Variants in PTPRJ observed in about 807,000 individuals in gnomAD.
The protein encoded by PTPRJ is receptor-type tyrosine-protein phosphatase eta.
In PTPRJ, 129 loss-of-function variants were observed where a neutral mutation model predicts 141.3. The ratio of observed to expected loss-of-function variants is 0.91; its 90% CI spans 0.79 to 1.06. The LOEUF (loss-of-function observed/expected upper bound fraction) is 1.06, where lower values mean the gene tolerates loss of function less well. PTPRJ is among the 50% of genes least tolerant of loss of function. The probability of loss-of-function intolerance (pLI) is 0.00; values close to 1 mark genes in which losing one functional copy is unlikely to be tolerated. For missense variants in PTPRJ, 1,601 were observed against 1,679.7 expected (o/e 0.95, Z 0.82); for synonymous variants, 610 against 640.5 (o/e 0.95, Z 0.72).
intron 24 of PTPRJ, 43 bp downstream of exon 24, chr11:48,164,558 A>ACTTT (rs1857869192): frequency 1.4e-6 from 1 of 715,256 alleles, no homozygotes; most frequent in Non-Finnish European, 1.8e-6. Flanking sequence ...CTTCCCCTCC[A>ACTTT]TTTTTTTTTT....
At chr11:48,077,104 G>A (rs1385157425) in intron 1 of PTPRJ, among the ~76,000 whole-genome samples, 1 of 152,068 alleles carries the variant, frequency 6.6e-6, no homozygotes, top group Non-Finnish European at 1.5e-5. Context: ...GACCTCAGGT[G>A]ATCCACCTGG....
chr11:48,111,323 G>A (rs559258345), intron 2 of PTPRJ, among the ~76,000 whole-genome samples: 106 of 132,126 alleles, frequency 8.0e-4, no homozygotes, highest in African/African-American at 2.9e-3. Flanking sequence ...AATAGTAGTT[G>A]GTAGTTTTTT....
chr11:48,094,006 T>G (rs1216326068), intron 1 of PTPRJ, among the ~76,000 whole-genome samples: 1 of 152,184 alleles, frequency 6.6e-6, no homozygotes, highest in Non-Finnish European at 1.5e-5. Flanking sequence ...TGAGCTCAGT[T>G]CCCTCCCAGC....
In PTPRJ at chr11:48,144,777, G is replaced by C; in HGVS notation, c.2678G>C (p.Gly893Ala). ...TACCTCATAAGAACAGAAGAAAAGGGACGTTCTCAGAGCTTGTCTGAAGTT... is the reference window on the plus strand; with the variant it reads ...TACCTCATAAGAACAGAAGAAAAGGCACGTTCTCAGAGCTTGTCTGAAGTT... ...VTYLIRTEEK[G>A]RSQSLSEVLK... The change falls in exon 13 of 25, where the codon GGA becomes GCA. Residue 893 changes from glycine to alanine, a missense_variant. Gly to Ala is a moderately conservative substitution (Grantham distance 60). Coordinates refer to ENST00000418331, the MANE Select transcript of PTPRJ (RefSeq NM_002843.4). 6.2e-7 allele frequency: 1 copy of C among 1,614,130 alleles called. No homozygotes were observed. Among genetic ancestry groups the C allele is most frequent in the Non-Finnish European group, 8.5e-7 (1 of 1,179,982 alleles).
intron 1 of PTPRJ, among the ~76,000 whole-genome samples, chr11:48,090,906 A>C (rs1175038671): frequency 1.3e-5 from 2 of 152,066 alleles, no homozygotes; most frequent in African/African-American, 4.8e-5. Context: ...CTGCCTCATG[A>C]TGTCAAGCAC....
At chr11:48,134,404 GT>G (rs1857041818) in intron 8 of PTPRJ, among the ~76,000 whole-genome samples, 1 of 152,026 alleles carries the variant, frequency 6.6e-6, no homozygotes, top group African/African-American at 2.4e-5. Context: ...TTGTTTCTAG[GT>G]TTTTATGTTT....
At chr11:48,132,520 T>C (rs1382806295) in intron 8 of PTPRJ, 1 of 981,676 alleles carries the variant, frequency 1.0e-6, no homozygotes, top group East Asian at 1.1e-4. Context: ...AAACATACAG[T>C]CTTCCTTGAT....
rs548617849 is a variant in PTPRJ at position 48,158,391 on chromosome 11, G to T, written c.3439-1539G>T. The stretch of plus-strand genomic sequence containing the variant: ...GGAAGGGAGTGTATTTTCTGCACTA[G>T]ATTCTCCATATATGTTATTTTTTTT... On this transcript the variant is annotated intron_variant, in intron 21 of 24. Transcript: ENST00000418331. This position sits in a 1 kb window ranked among gnomAD's most constrained non-coding sequence, Gnocchi z 4.4. Among the ~76,000 whole-genome samples, 1 of 151,876 alleles carries T rather than the reference G, an allele frequency of 6.6e-6. No homozygotes were observed. The highest frequency in any genetic ancestry group is 2.4e-5 in the African/African-American group (1 of 41,496).
intron 1 of PTPRJ, among the ~76,000 whole-genome samples, chr11:48,036,397 T>G (rs1854123859): frequency 6.6e-6 from 1 of 152,272 alleles, no homozygotes; most frequent in Non-Finnish European, 1.5e-5. Flanking sequence ...GATTGTCACC[T>G]TCTTGCATTC....
chr11:48,130,470 G>A lies in PTPRJ; in HGVS notation c.1369G>A (p.Val457Ile). Residue 457 changes from valine to isoleucine, a missense_variant, in exon 8 of 25, where the codon GTT becomes ATT. Transcript: ENST00000418331. ...CTTTCTTTGCATAGCCCCTGTTCCA[G>A]TTTCTGACTTCCGAGTGACAGTGGT... ...FLQVHTPPVP[V>I]SDFRVTVVST... 3.7e-6 allele frequency: 6 copies of A among 1,611,314 alleles called. No individual in the cohort carries two copies. The highest frequency in any genetic ancestry group is 5.1e-6 in the Non-Finnish European group (6 of 1,178,242).
intron 1 of PTPRJ, among the ~76,000 whole-genome samples, chr11:48,094,354 C>T (rs1315818553): frequency 6.6e-6 from 1 of 152,162 alleles, no homozygotes; most frequent in South Asian, 2.1e-4. Context: ...GCAATAAAGT[C>T]ATTTTGTCAA....
At chr11:48,161,410 C>T (rs374500955) in intron 22 of PTPRJ, among the ~76,000 whole-genome samples, 1 of 151,880 alleles carries the variant, frequency 6.6e-6, no homozygotes, top group Non-Finnish European at 1.5e-5. Context: ...TGAGATTATC[C>T]TTGAAGATTC....
At chr11:48,059,285 C>T (rs1267374915) in intron 1 of PTPRJ, among the ~76,000 whole-genome samples, 1 of 151,942 alleles carries the variant, frequency 6.6e-6, no homozygotes, top group Non-Finnish European at 1.5e-5. Context: ...CCACATCCGG[C>T]TAATTTTTTG....
At chr11:48,153,304 G>A (rs998983822) in intron 18 of PTPRJ, among the ~76,000 whole-genome samples, 1 of 152,020 alleles carries the variant, frequency 6.6e-6, no homozygotes, top group African/African-American at 2.4e-5. Flanking sequence ...GGAGGCCAAG[G>A]TGGGTGGATC....
At chr11:47,983,451 T>C (rs536594674) in intron 1 of PTPRJ, among the ~76,000 whole-genome samples, 107 of 152,286 alleles carry the variant, frequency 7.0e-4, no homozygotes, top group African/African-American at 2.5e-3. Flanking sequence ...GGACAAGTCA[T>C]GGAAAAGACA....
At chr11:48,036,885 C>T (rs910646815) in intron 1 of PTPRJ, among the ~76,000 whole-genome samples, 4 of 152,200 alleles carry the variant, frequency 2.6e-5, no homozygotes, top group African/African-American at 9.6e-5. Flanking sequence ...GGGTGGTTTG[C>T]TCCAGAATTG....
intron 1 of PTPRJ, among the ~76,000 whole-genome samples, chr11:48,061,016 T>G (rs1010982871): frequency 2.0e-5 from 3 of 152,210 alleles, no homozygotes; most frequent in East Asian, 3.8e-4. Context: ...TTCTTTTTTT[T>G]GGAGACGGAG....
intron 1 of PTPRJ, among the ~76,000 whole-genome samples, chr11:47,992,453 G>T (rs929584116): frequency 6.6e-6 from 1 of 152,320 alleles, no homozygotes; most frequent in African/African-American, 2.4e-5. Flanking sequence ...AATTACAGGT[G>T]TGAGTCACCG....
chr11:47,990,366 G>T (rs1854156898), intron 1 of PTPRJ, among the ~76,000 whole-genome samples: 1 of 152,172 alleles, frequency 6.6e-6, no homozygotes, highest in Admixed American at 6.5e-5. Flanking sequence ...TTAGGGCAAA[G>T]ACCATAATAT....
Sources: gnomAD v4.1 joint callset for allele counts (sites outside exome capture counted in the v4.1 genomes callset) on GRCh38, gnomAD v4.1.1 for gene constraint, Gnocchi (gnomAD v3.1) non-coding constraint, MANE v1.5 for transcripts, NCBI Gene and HGNC (gene_info 2026-07-23, HGNC 2026-07-21) for gene names.